HAS3: variants seen among roughly 807,000 people sequenced by gnomAD.
HAS3 encodes the protein HA synthase 3.
A neutral mutation model predicts 50.3 loss-of-function variants in HAS3; 27 were observed. The observed-to-expected ratio is 0.54, with a 90% CI of 0.40 to 0.74. The LOEUF (loss-of-function observed/expected upper bound fraction) is 0.74. Among genes scored for constraint, HAS3 ranks in the 30% least tolerant of loss-of-function variants. The pLI, the probability that HAS3 is intolerant of heterozygous loss-of-function variation, is 0.00. For synonymous variants in HAS3, 339 were observed against 310.9 expected, an observed-to-expected ratio of 1.09 and a Z score of -0.95; for missense variants, 517 against 742.8, an observed-to-expected ratio of 0.70 and a Z score of 3.53.
chr16:69,086,554 G>A, the HAS3 span, among the ~76,000 whole-genome samples: 1 of 151,888 alleles, frequency 6.6e-6, no homozygotes, highest in African/African-American at 2.4e-5. Flanking sequence ...GTGTGTGTGT[G>A]TGTGTGTGTA....
the HAS3 span, among the ~76,000 whole-genome samples, chr16:69,092,493 C>T: frequency 6.0e-5 from 9 of 151,220 alleles, no homozygotes; most frequent in Non-Finnish European, 1.2e-4. Flanking sequence ...GCCCCAGCTA[C>T]TCGGGAGGCT....
the HAS3 span, among the ~76,000 whole-genome samples, chr16:69,092,688 G>T: frequency 5.0e-3 from 752 of 151,086 alleles, 11 homozygotes; most frequent in African/African-American, 0.018. Flanking sequence ...AGCCTCAAAA[G>T]AGTGTCCTAG....
intron 2 of HAS3, among the ~76,000 whole-genome samples, chr16:69,112,039 G>A (rs778525587): frequency 2.0e-5 from 3 of 152,228 alleles, no homozygotes; most frequent in African/African-American, 4.8e-5. Context: ...CGCCTGCTGC[G>A]GAGGTATCTC....
Position 69,114,268 on chromosome 16 carries a change from G to A in HAS3, c.739-75G>A, listed in dbSNP as rs919448560. 2 of 1,505,842 alleles carry A rather than the reference G, an allele frequency of 1.3e-6. No homozygotes were observed. The highest frequency in any genetic ancestry group is 2.8e-5 in the African/African-American group (2 of 71,914). The allele number at this position is 1,505,842 out of a possible 1,614,324, so 93.3% of individuals were successfully genotyped here. The stretch of plus-strand genomic sequence containing the variant: ...AGCGGGCCACAGAAGCCATGGTAAG[G>A]AGGCCTCGTGGTCTCTGATGTCTGT... On this transcript the variant is annotated intron_variant, in intron 3 of 3. Coordinates refer to ENST00000569188, the MANE Select transcript of HAS3 (RefSeq NM_001199280.2). The surrounding 1 kb of genome is among the most constrained non-coding windows in gnomAD (Gnocchi z 6.4).
the HAS3 span, among the ~76,000 whole-genome samples, chr16:69,099,793 A>G: frequency 2.0e-5 from 3 of 151,676 alleles, no homozygotes; most frequent in Non-Finnish European, 2.9e-5. Context: ...CACTAAAAAG[A>G]TAAGTGTTGA....
Position 69,115,584 on chromosome 16 carries a change from A to C in HAS3, c.*318A>C. On this transcript the variant is annotated 3_prime_UTR_variant, in exon 4 of 4. Transcript: ENST00000569188. The stretch of plus-strand genomic sequence containing the variant: ...CTCAGAAGTTGTGCTAAACCAAGTT[A>C]AGTCCCATTCAGTGGCAACTTGTGA... 9.3e-7 allele frequency: 1 copy of C among 1,071,994 alleles called. No homozygotes were observed. The highest frequency in any genetic ancestry group is 1.1e-6 in the Non-Finnish European group (1 of 885,796). 66.4% of individuals were successfully genotyped at this position (1,071,994 alleles called of 1,614,324 possible). A position where few individuals can be genotyped will look rare whatever the true frequency, so the allele number is the denominator to read the frequency against.
In HAS3 at chr16:69,114,933, C is replaced by G; in HGVS notation, c.1329C>G (p.Ser443=). The stretch of plus-strand genomic sequence containing the variant: ...AGATGATCTTCATGTCCCTCTACTC[C>G]CTCCTCTATATGTCCAGCCTTCTGC... ...NAEMIFMSLY[S]LLYMSSLLPA... is the part of the protein sequence containing the mutation. The change falls in exon 4 of 4, where the codon TCC becomes TCG. Residue 443 remains serine, a synonymous_variant. Coordinates refer to ENST00000569188, the MANE Select transcript of HAS3 (RefSeq NM_001199280.2). This position sits in a 1 kb window ranked among gnomAD's most constrained non-coding sequence, Gnocchi z 6.4. 1 of 1,614,140 alleles carries G rather than the reference C, an allele frequency of 6.2e-7. No individual in the cohort carries two copies. The highest frequency in any genetic ancestry group is 8.5e-7 in the Non-Finnish European group (1 of 1,180,030).
downstream of HAS3, chr16:69,118,593 G>T (rs1489267707): frequency 1.4e-6 from 1 of 723,952 alleles, no homozygotes; most frequent in Non-Finnish European, 2.5e-6. Context: ...GCTGTGGGAC[G>T]AAAGCACAGC....
At position 69,107,273 on chromosome 16, in the gene HAS3, G is replaced by C. The variant is rs553259923; in HGVS notation, c.-1+1486G>C. The C allele has an allele frequency of 2.1e-6, 2 of 936,882 alleles. No individual in the cohort carries two copies. The highest frequency in any genetic ancestry group is 2.3e-4 in the East Asian group (2 of 8,582). The allele number at this position is 936,882 out of a possible 1,614,324, so 58.0% of individuals were successfully genotyped here. Reference sequence around the variant, plus strand: ...TGGGGGCCTCTATTTGGGGGTGGGGGTAGTAACCTGGGTAATGCCTCTAAT... The same window carrying C: ...TGGGGGCCTCTATTTGGGGGTGGGGCTAGTAACCTGGGTAATGCCTCTAAT... On this transcript the variant is annotated intron_variant, in intron 1 of 3. Transcript: ENST00000569188. The surrounding 1 kb of genome is among the most constrained non-coding windows in gnomAD (Gnocchi z 5.5).
At chr16:69,086,659 C>A in the HAS3 span, among the ~76,000 whole-genome samples, 1 of 152,070 alleles carries the variant, frequency 6.6e-6, no homozygotes, top group East Asian at 1.9e-4. Context: ...AATCCCAACA[C>A]TTTGGGAGGC....
intron 2 of HAS3, 65 bp from the exon 3 acceptor site, chr16:69,113,376 T>G: frequency 9.8e-7 from 1 of 1,016,576 alleles, no homozygotes; most frequent in Non-Finnish European, 1.6e-6. Flanking sequence ...AGCCTGGCAG[T>G]GGGGTGGGGG....
chr16:69,118,069 C>T (rs1313854416), downstream of HAS3: 2 of 486,258 alleles, frequency 4.1e-6, no homozygotes, highest in Non-Finnish European at 7.4e-6. Context: ...GGAAAACCAC[C>T]AACCATCCTT....
chr16:69,108,466 G>A (rs1960884528), intron 1 of HAS3, among the ~76,000 whole-genome samples: 2 of 152,212 alleles, frequency 1.3e-5, no homozygotes, highest in Non-Finnish European at 2.9e-5. Flanking sequence ...GTTTCCAACA[G>A]GGGAGATGTT....
chr16:69,114,507 C>G lies in HAS3; in HGVS notation c.903C>G (p.Asp301Glu), dbSNP rs1190592514. ...GCCTCCTCCAGCAGTTCCTGGAGGA[C>G]TGGTACCATCAGAAGTTCCTAGGCA... is the stretch of plus-strand genomic sequence containing the variant. The part of the protein sequence containing the change: ...RNSLLQQFLE[D>E]WYHQKFLGSK... The change falls in exon 4 of 4, where the codon GAC (aspartate) becomes GAG (glutamate). Residue 301 changes from aspartate to glutamate, a missense_variant. Coordinates refer to ENST00000569188, the MANE Select transcript of HAS3 (RefSeq NM_001199280.2). This position sits in a 1 kb window ranked among gnomAD's most constrained non-coding sequence, Gnocchi z 6.4. The G allele has an allele frequency of 1.9e-6, 3 of 1,613,836 alleles. No individual in the cohort carries two copies. Among genetic ancestry groups the G allele is most frequent in the East Asian group, 2.2e-5 (1 of 44,890 alleles).
At chr16:69,100,150 A>C in the HAS3 span, among the ~76,000 whole-genome samples, 1 of 152,106 alleles carries the variant, frequency 6.6e-6, no homozygotes, top group Non-Finnish European at 1.5e-5. Context: ...TTCTTCAAAC[A>C]TAGCACCTGG....
At chr16:69,113,385 G>A in intron 2 of HAS3, 56 bp from the exon 3 acceptor site, 1 of 1,129,722 alleles carries the variant, frequency 8.9e-7, no homozygotes, top group Non-Finnish European at 1.4e-6. Flanking sequence ...GTGGGGTGGG[G>A]GACAGGGTGT....
intron 1 of HAS3, among the ~76,000 whole-genome samples, chr16:69,108,393 CAG>C (rs1960880951): frequency 6.6e-6 from 1 of 152,158 alleles, no homozygotes; most frequent in Non-Finnish European, 1.5e-5. Flanking sequence ...AGCCAGGAGG[CAG>C]AAGTGCTGTC....
upstream of HAS3, among the ~76,000 whole-genome samples, chr16:69,101,457 C>G (rs1056311699): frequency 2.6e-5 from 4 of 152,150 alleles, no homozygotes; most frequent in South Asian, 8.3e-4. Flanking sequence ...TGTGCCACCA[C>G]GCTTGGCTAA....
chr16:69,104,992 GTTTTTTTTTTTTTTTTTTTTTTTT>G (rs565397720), upstream of HAS3, among the ~76,000 whole-genome samples: 1 of 81,958 alleles, frequency 1.2e-5, no homozygotes, highest in Non-Finnish European at 2.3e-5. Context: ...CTGTTTTTTG[GTTTTTTTTTTTTTTTTTTTTTTTT>G]TTTTTTTTGG....
Sources: allele counts gnomAD v4.1 joint callset (sites outside exome capture counted in the v4.1 genomes callset), GRCh38; gene constraint gnomAD v4.1.1; non-coding constraint Gnocchi (gnomAD v3.1); transcripts MANE v1.5; gene names NCBI Gene and HGNC (gene_info 2026-07-23, HGNC 2026-07-21).